The following C1QTNF3 variants were observed in gnomAD, a reference collection of about 807,000 sequenced individuals.
C1QTNF3 encodes C1q and TNF related 3.
Under a neutral mutation model 32.6 loss-of-function variants are expected in C1QTNF3, and 26 were observed. That is an observed-to-expected ratio of 0.80 (90% CI 0.58 to 1.11). The LOEUF (loss-of-function observed/expected upper bound fraction) is 1.11, where lower values mean the gene tolerates loss of function less well. Ranked by LOEUF, C1QTNF3 falls within the 50% of genes least tolerant of loss-of-function variation. The pLI, the probability that C1QTNF3 is intolerant of heterozygous loss-of-function variation, is 0.00. For synonymous variants in C1QTNF3, 155 were observed against 146.0 expected, an observed-to-expected ratio of 1.06 and a Z score of -0.44; for missense variants, 362 against 398.2, an observed-to-expected ratio of 0.91 and a Z score of 0.77.
chr5:34,089,367 C>T, the C1QTNF3 span, among the ~76,000 whole-genome samples: 1 of 151,902 alleles, frequency 6.6e-6, no homozygotes, highest in Non-Finnish European at 1.5e-5. Context: ...GGTATGGGGT[C>T]ATATAGTATC....
the C1QTNF3 span, among the ~76,000 whole-genome samples, chr5:34,095,820 T>C: frequency 1.3e-5 from 2 of 151,758 alleles, no homozygotes; most frequent in Admixed American, 6.6e-5. Flanking sequence ...CAAAGAAAAT[T>C]AGCTTTTCAA....
At chr5:34,178,164 C>T in the C1QTNF3 span, among the ~76,000 whole-genome samples, 1 of 145,660 alleles carries the variant, frequency 6.9e-6, no homozygotes, top group South Asian at 2.2e-4. Context: ...GCCTGTAATC[C>T]AAGCTACTTG....
At chr5:34,112,919 G>T in the C1QTNF3 span, among the ~76,000 whole-genome samples, 1 of 151,974 alleles carries the variant, frequency 6.6e-6, no homozygotes, top group Admixed American at 6.6e-5. Flanking sequence ...CAGAGGAGCA[G>T]CTTGGTAACC....
the C1QTNF3 span, chr5:34,239,281 T>C: frequency 6.6e-6 from 1 of 152,154 alleles, no homozygotes; most frequent in East Asian, 1.9e-4. Context: ...AGGATCAAAA[T>C]CTCATGTATC....
At chr5:34,032,791 G>A (rs546568814) in intron 3 of C1QTNF3, among the ~76,000 whole-genome samples, 2 of 152,180 alleles carry the variant, frequency 1.3e-5, no homozygotes, top group Middle Eastern at 3.4e-3. Context: ...GCAAGACTCT[G>A]TTTCAAAAAA....
chr5:34,145,356 T>G, the C1QTNF3 span, among the ~76,000 whole-genome samples: 2 of 151,984 alleles, frequency 1.3e-5, no homozygotes, highest in African/African-American at 4.8e-5. Flanking sequence ...CATCTCAGAC[T>G]ACTATGAACA....
chr5:34,131,066 ATATTT>A, the C1QTNF3 span, among the ~76,000 whole-genome samples: 1 of 152,248 alleles, frequency 6.6e-6, no homozygotes, highest in Non-Finnish European at 1.5e-5. Flanking sequence ...AGACAACTGA[ATATTT>A]TATTACATAT....
At chr5:34,056,420 A>ATGTGTGTGTGTGTG in the C1QTNF3 span, among the ~76,000 whole-genome samples, 1 of 38,746 alleles carries the variant, frequency 2.6e-5, no homozygotes, top group Admixed American at 4.4e-4. Flanking sequence ...ATGTATATGT[A>ATGTGTGTGTGTGTG]TGTGTGTGTG....
the C1QTNF3 span, among the ~76,000 whole-genome samples, chr5:34,243,792 A>G: frequency 4.0e-5 from 6 of 151,812 alleles, no homozygotes; most frequent in Non-Finnish European, 7.4e-5. Context: ...ACATGGGAAC[A>G]AGACATGCTG....
At chr5:34,118,538 G>A in the C1QTNF3 span, among the ~76,000 whole-genome samples, 3 of 151,850 alleles carry the variant, frequency 2.0e-5, no homozygotes, top group African/African-American at 7.3e-5. Context: ...AAATCATTTT[G>A]TTGTACATAA....
the C1QTNF3 span, among the ~76,000 whole-genome samples, chr5:34,169,337 C>T: frequency 3.7e-4 from 56 of 151,988 alleles, no homozygotes; most frequent in Non-Finnish European, 7.8e-4. Context: ...GAAAGTTCTA[C>T]TAATCTGCAT....
At chr5:34,195,468 C>A in the C1QTNF3 span, among the ~76,000 whole-genome samples, 3 of 150,238 alleles carry the variant, frequency 2.0e-5, no homozygotes, top group African/African-American at 7.3e-5. Context: ...GAGAAAGAAA[C>A]CTATCAGATT....
chr5:34,121,336 G>A, the C1QTNF3 span, among the ~76,000 whole-genome samples: 1 of 152,080 alleles, frequency 6.6e-6, no homozygotes. Context: ...TGCTTATAAA[G>A]ACATACCTGA....
At chr5:34,115,997 G>A in the C1QTNF3 span, among the ~76,000 whole-genome samples, 1 of 151,922 alleles carries the variant, frequency 6.6e-6, no homozygotes, top group African/African-American at 2.4e-5. Context: ...CTTTTTTACT[G>A]TAAATGTTCA....
chr5:34,080,926 T>C, the C1QTNF3 span, among the ~76,000 whole-genome samples: 2 of 151,710 alleles, frequency 1.3e-5, no homozygotes, highest in African/African-American at 2.4e-5. Context: ...TTTCCCTTTG[T>C]TGACACCCAA....
At chr5:34,233,605 C>T in the C1QTNF3 span, among the ~76,000 whole-genome samples, 2 of 152,152 alleles carry the variant, frequency 1.3e-5, no homozygotes, top group Admixed American at 6.5e-5. Flanking sequence ...CAAAAGGACA[C>T]TTTTTCATCT....
At chr5:34,056,477 TATAGAGAGAGAGAGAGAGAGAGAG>T in the C1QTNF3 span, among the ~76,000 whole-genome samples, 45 of 87,264 alleles carry the variant, frequency 5.2e-4, no homozygotes, top group African/African-American at 2.0e-3. Context: ...TATATATATA[TATAGAGAGAGAGAGAGAGAGAGAG>T]AGAGAGAGAG....
chr5:34,125,518 A>G, the C1QTNF3 span, among the ~76,000 whole-genome samples: 4 of 152,026 alleles, frequency 2.6e-5, no homozygotes, highest in African/African-American at 9.7e-5. Context: ...AAATTTTCTT[A>G]TGTAGAGTTG....
chr5:34,053,557 C>A, the C1QTNF3 span, among the ~76,000 whole-genome samples: 1 of 152,224 alleles, frequency 6.6e-6, no homozygotes, highest in East Asian at 1.9e-4. Flanking sequence ...CCATTTAAGA[C>A]AGACTTTGGC....
Sources: allele counts gnomAD v4.1 joint callset (sites outside exome capture counted in the v4.1 genomes callset), GRCh38; gene constraint gnomAD v4.1.1; transcripts MANE v1.5; gene names NCBI Gene and HGNC (gene_info 2026-07-23, HGNC 2026-07-21).